The following CACNA2D4 variants were observed in gnomAD, a reference collection of about 807,000 sequenced individuals.
The protein encoded by CACNA2D4 is calcium voltage-gated channel auxiliary subunit alpha2delta 4.
Under a neutral mutation model 163.8 loss-of-function variants are expected in CACNA2D4, and 157 were observed. The observed-to-expected ratio is 0.96, with a 90% CI of 0.84 to 1.09. The LOEUF is 1.09. Among genes scored for constraint, CACNA2D4 ranks in the 50% least tolerant of loss-of-function variants. The probability of loss-of-function intolerance (pLI) is 0.00; values close to 1 mark genes in which losing one functional copy is unlikely to be tolerated. For synonymous variants in CACNA2D4, 598 were observed against 586.9 expected (o/e 1.02, Z -0.27); for missense variants, 1,410 against 1,479.9 (o/e 0.95, Z 0.78).
At position 1,834,739 on chromosome 12, in the gene CACNA2D4, G is replaced by T; in HGVS notation, c.2551+6000C>A. ...TGGCCTGAGCGCCCATCCCCACCCG[G>T]CCAGGTAGGAAGGGCGGGGAGAGCA... On this transcript the variant is annotated intron_variant, in intron 26 of 37. Coordinates refer to ENST00000382722, the MANE Select transcript of CACNA2D4 (RefSeq NM_172364.5). The surrounding 1 kb of genome is among the most constrained non-coding windows in gnomAD (Gnocchi z 7.6). 11 of 1,570,264 alleles carry T rather than the reference G, an allele frequency of 7.0e-6. No individual in the cohort carries two copies. Among genetic ancestry groups the T allele is most frequent in the Non-Finnish European group, 9.5e-6 (11 of 1,159,916 alleles).
intron 6 of CACNA2D4, among the ~76,000 whole-genome samples, chr12:1,906,312 C>T (rs552720762): frequency 2.6e-5 from 4 of 152,010 alleles, no homozygotes; most frequent in African/African-American, 4.8e-5. Flanking sequence ...GATAAAATAA[C>T]CAAATTGGAT....
chr12:1,856,815 C>T (rs1865410122), intron 20 of CACNA2D4, among the ~76,000 whole-genome samples: 1 of 152,206 alleles, frequency 6.6e-6, no homozygotes, highest in African/African-American at 2.4e-5. Flanking sequence ...ATGGCACCTA[C>T]TCAGAGCTAA....
At position 1,855,938 on chromosome 12, in the gene CACNA2D4, C is replaced by T. The variant is rs565882971; in HGVS notation, c.2152+74G>A. ...GTGCAGCAGCCTCCCCCTGCCTTCC[C>T]ACCTCTCCTGGCAAAGTCCTGAACT... On this transcript the variant is annotated intron_variant, in intron 22 of 37. Transcript: ENST00000382722. 6.0e-4 allele frequency: 704 copies of T among 1,164,522 alleles called. 1 individual carries two copies. Among genetic ancestry groups the T allele is most frequent in the Non-Finnish European group, 7.7e-4 (597 of 779,664 alleles). The allele number at this position is 1,164,522 out of a possible 1,614,324, so 72.1% of individuals were successfully genotyped here.
At position 1,828,203 on chromosome 12, in the gene CACNA2D4, A is replaced by ACTGC; in HGVS notation, c.2551+12535_2551+12536insGCAG. On this transcript the variant is annotated intron_variant, in intron 26 of 37. Transcript: ENST00000382722. This position sits in a 1 kb window ranked among gnomAD's most constrained non-coding sequence, Gnocchi z 4.2. ...GAGGGGCAGGCTCGCCCTGCAGTGG[A>ACTGC]GGCAAGTCTCCTGTGAGTACACCCC... is the stretch of plus-strand genomic sequence containing the variant. 1 of 1,546,110 alleles carries ACTGC rather than the reference A, an allele frequency of 6.5e-7. No individual in the cohort carries two copies. The highest frequency in any genetic ancestry group is 8.7e-7 in the Non-Finnish European group (1 of 1,144,964).
chr12:1,879,790 G>A lies in CACNA2D4; in HGVS notation c.1563+14C>T. ...CTAATCCCTGCTACAACGTCTCCAG[G>A]AGCGGCCACTCACCGTTTCGTTCTT... On this transcript the variant is annotated intron_variant, in intron 14 of 37. Transcript: ENST00000382722. 6.3e-7 allele frequency: 1 copy of A among 1,584,944 alleles called. No homozygotes were observed. The highest frequency in any genetic ancestry group is 1.2e-5 in the South Asian group (1 of 86,742).
intron 3 of CACNA2D4, 79 bp from the exon 4 acceptor site, chr12:1,910,044 G>A (rs1057033764): frequency 3.3e-6 from 4 of 1,204,530 alleles, no homozygotes; most frequent in Non-Finnish European, 4.9e-6. Flanking sequence ...ACAGTTGCCG[G>A]GTGACCCAGC....
intron 25 of CACNA2D4, among the ~76,000 whole-genome samples, chr12:1,841,039 G>A (rs1319929190): frequency 1.3e-5 from 2 of 152,266 alleles, no homozygotes; most frequent in African/African-American, 2.4e-5. Context: ...GCCTCTGGCC[G>A]CCAGCACAGT....
At chr12:1,800,964 G>T (rs908030916) in intron 31 of CACNA2D4, 79 bp downstream of exon 31, 10 of 1,358,224 alleles carry the variant, frequency 7.4e-6, no homozygotes, top group African/African-American at 1.4e-5. Flanking sequence ...GGTGAGAACA[G>T]GGACCAGTGA....
chr12:1,800,774 G>A, intron 31 of CACNA2D4: 1 of 593,654 alleles, frequency 1.7e-6, no homozygotes, highest in Non-Finnish European at 3.0e-6. Flanking sequence ...GCTGAGGCTG[G>A]GGCAGGCTGC....
chr12:1,872,238 T>C (rs7294565), intron 18 of CACNA2D4, among the ~76,000 whole-genome samples: 13,706 of 152,200 alleles, frequency 0.09, 1,661 homozygotes, highest in African/African-American at 0.28. Context: ...TCTGCCACAG[T>C]TCCCAGAGCC....
intron 26 of CACNA2D4, chr12:1,822,191 ACAGAAGCTTGTCTGGGCC>A (rs1256013927): frequency 6.6e-6 from 1 of 152,088 alleles, no homozygotes; most frequent in Non-Finnish European, 1.5e-5. Flanking sequence ...TTGGGGTTTG[ACAGAAGCTTGTCTGGGCC>A]CACGAGGAGC....
rs994408612 is a variant in CACNA2D4 at position 1,875,702 on chromosome 12, G to C, written c.1720-365C>G. ...TCCACTGATCTTCCTTCTTTCCCCT[G>C]GAGCTGCATAGAATGTGTTCCACCT... On this transcript the variant is annotated intron_variant, in intron 16 of 37. Coordinates refer to ENST00000382722, the MANE Select transcript of CACNA2D4 (RefSeq NM_172364.5). This position sits in a 1 kb window ranked among gnomAD's most constrained non-coding sequence, Gnocchi z 4.0. Among the ~76,000 whole-genome samples, 3 of 152,134 alleles carry C rather than the reference G, an allele frequency of 2.0e-5. No individual in the cohort carries two copies. Among genetic ancestry groups the C allele is most frequent in the Non-Finnish European group, 4.4e-5 (3 of 68,026 alleles).
At chr12:1,857,270 G>A (rs898570609) in intron 20 of CACNA2D4, among the ~76,000 whole-genome samples, 3 of 152,234 alleles carry the variant, frequency 2.0e-5, no homozygotes, top group African/African-American at 7.2e-5. Context: ...ACCAGGGGCA[G>A]CTCCCAGACA....
intron 6 of CACNA2D4, among the ~76,000 whole-genome samples, chr12:1,906,690 C>T (rs1396902974): frequency 1.3e-5 from 2 of 152,188 alleles, no homozygotes; most frequent in Admixed American, 6.5e-5. Flanking sequence ...TCCAGAGAAC[C>T]GAAACAGCCA....
At chr12:1,831,531 C>T (rs369654268) in intron 26 of CACNA2D4, 38 of 1,607,048 alleles carry the variant, frequency 2.4e-5, no homozygotes, top group South Asian at 6.6e-5. Context: ...CCGAGGTGAG[C>T]GCAGCCGGCC....
rs1342044542 is a variant in CACNA2D4 at position 1,828,358 on chromosome 12, G to A, written c.2551+12381C>T. On this transcript the variant is annotated intron_variant, in intron 26 of 37. Coordinates refer to ENST00000382722, the MANE Select transcript of CACNA2D4 (RefSeq NM_172364.5). The surrounding 1 kb of genome is among the most constrained non-coding windows in gnomAD (Gnocchi z 4.2). ...ATCTTCCTGGGGTACCCGAGGCTAT[G>A]TTCTGGGAAGCCAGGGTCACGCCCA... The A allele has an allele frequency of 4.3e-6, 3 of 703,268 alleles. No homozygotes were observed. The highest frequency in any genetic ancestry group is 1.9e-5 in the African/African-American group (1 of 54,038). 43.6% of individuals were successfully genotyped at this position (703,268 alleles called of 1,614,324 possible). A position where few individuals can be genotyped will look rare whatever the true frequency, so the allele number is the denominator to read the frequency against.
chr12:1,881,411 A>G (rs889822145), intron 13 of CACNA2D4, among the ~76,000 whole-genome samples: 1 of 152,222 alleles, frequency 6.6e-6, no homozygotes, highest in Non-Finnish European at 1.5e-5. Flanking sequence ...GGTATGGCCT[A>G]TGCCCGGCTT....
At position 1,793,769 on chromosome 12, in the gene CACNA2D4, C is replaced by T. The variant is rs2154444903; in HGVS notation, c.3310-10G>A. On this transcript the variant is annotated splice_polypyrimidine_tract_variant and intron_variant, in intron 37 of 37. Coordinates refer to ENST00000382722, the MANE Select transcript of CACNA2D4 (RefSeq NM_172364.5). Reference sequence around the variant, plus strand: ...AGTCCTGGGCATTCTCCTGCGAACGCAGAGCAGAGGTGACAGCGCGGCGCT... The same window carrying T: ...AGTCCTGGGCATTCTCCTGCGAACGTAGAGCAGAGGTGACAGCGCGGCGCT... 2 of 1,611,442 alleles carry T rather than the reference C, an allele frequency of 1.2e-6. No individual in the cohort carries two copies. Among genetic ancestry groups the T allele is most frequent in the African/African-American group, 1.3e-5 (1 of 75,000 alleles).
Position 1,874,798 on chromosome 12 carries a change from TGAGA to T in CACNA2D4, c.1807-127_1807-124del. 1.4e-6 allele frequency: 1 copy of T among 733,704 alleles called. No individual in the cohort carries two copies. The highest frequency in any genetic ancestry group is 1.6e-5 in the South Asian group (1 of 64,214). 45.4% of individuals were successfully genotyped at this position (733,704 alleles called of 1,614,324 possible). A position where few individuals can be genotyped will look rare whatever the true frequency, so the allele number is the denominator to read the frequency against. On this transcript the variant is annotated intron_variant, in intron 17 of 37. Coordinates refer to ENST00000382722, the MANE Select transcript of CACNA2D4 (RefSeq NM_172364.5). The surrounding 1 kb of genome is among the most constrained non-coding windows in gnomAD (Gnocchi z 4.4). Reference sequence around the variant, plus strand: ...ACTTTTGGTTCTTCCCTTTTTCCTCTGAGAGAGATACCAGGAGGGAAGATGGACC... The same window carrying T: ...ACTTTTGGTTCTTCCCTTTTTCCTCTGAGATACCAGGAGGGAAGATGGACC...
Sources: allele counts gnomAD v4.1 joint callset (sites outside exome capture counted in the v4.1 genomes callset), GRCh38; gene constraint gnomAD v4.1.1; non-coding constraint Gnocchi (gnomAD v3.1); transcripts MANE v1.5; gene names NCBI Gene and HGNC (gene_info 2026-07-23, HGNC 2026-07-21).